The following STK4 variants were observed in gnomAD, a reference collection of about 807,000 sequenced individuals.
STK4 encodes the protein serine/threonine-protein kinase 4.
A neutral mutation model predicts 64.9 loss-of-function variants in STK4; 30 were observed. That is an observed-to-expected ratio of 0.46 (90% confidence interval 0.35 to 0.63). STK4 has a LOEUF of 0.63. Ranked by LOEUF, STK4 falls within the 20% of genes least tolerant of loss-of-function variation. STK4 has a pLI of 0.01. For missense variants in STK4, 466 were observed against 598.5 expected, an observed-to-expected ratio of 0.78 and a Z score of 2.31; for synonymous variants, 177 against 199.0, an observed-to-expected ratio of 0.89 and a Z score of 0.93.
intron 9 of STK4, among the ~76,000 whole-genome samples, chr20:45,015,439 G>A (rs2068123851): frequency 6.6e-6 from 1 of 152,166 alleles, no homozygotes; most frequent in African/African-American, 2.4e-5. Context: ...TTTTACCACG[G>A]TAGCCTTACT....
At chr20:45,027,164 C>T (rs754906396) in intron 10 of STK4, among the ~76,000 whole-genome samples, 11 of 152,170 alleles carry the variant, frequency 7.2e-5, no homozygotes, top group Non-Finnish European at 1.2e-4. Flanking sequence ...CGCAGTGGCT[C>T]ACGCCTGTAA....
At chr20:44,978,063 A>G (rs2067370148) in intron 2 of STK4, among the ~76,000 whole-genome samples, 1 of 152,234 alleles carries the variant, frequency 6.6e-6, no homozygotes, top group Non-Finnish European at 1.5e-5. Context: ...TGGGCAAATC[A>G]TAAACCCCTT....
intron 10 of STK4, among the ~76,000 whole-genome samples, chr20:45,061,283 G>A (rs1390278410): frequency 1.3e-5 from 2 of 152,148 alleles, no homozygotes; most frequent in African/African-American, 4.8e-5. Context: ...TTTTAATTAC[G>A]GTAGCTCCCA....
chr20:45,052,825 GT>G (rs1275613134), intron 10 of STK4, among the ~76,000 whole-genome samples: 1 of 152,180 alleles, frequency 6.6e-6, no homozygotes, highest in Non-Finnish European at 1.5e-5. Context: ...TATGTTTGGT[GT>G]TTAGGTTTCT....
intron 4 of STK4, among the ~76,000 whole-genome samples, chr20:44,986,918 A>G: frequency 6.6e-6 from 1 of 152,138 alleles, no homozygotes; most frequent in East Asian, 1.9e-4. Context: ...TAGGTATTCT[A>G]GTTGGAGATA....
rs1238345014 is a variant in STK4, at chr20:45,025,062, A to C, written c.1237A>C (p.Lys413Gln). ...GGAAAACCAGATCAACAGCTTTGGC[A>C]AGAGTGTACCTGGTCCACTGAAAAA... ...EKENQINSFG[K>Q]SVPGPLKNSS... Residue 413 changes from lysine (K) to glutamine (Q), a missense_variant, in exon 10 of 11, where the codon AAG (lysine) becomes CAG (glutamine). By Grantham distance (53) the Lys-to-Gln change is moderately conservative (BLOSUM62 1). Coordinates refer to ENST00000372806, the MANE Select transcript of STK4 (RefSeq NM_006282.5). 1.2e-6 allele frequency: 2 copies of C among 1,613,604 alleles called. No individual in the cohort carries two copies. The highest frequency in any genetic ancestry group is 2.2e-5 in the South Asian group (2 of 90,992).
intron 9 of STK4, among the ~76,000 whole-genome samples, chr20:45,020,137 A>G (rs1420926306): frequency 6.6e-6 from 1 of 152,196 alleles, no homozygotes; most frequent in African/African-American, 2.4e-5. Context: ...GAAATCTGCA[A>G]ATTTCTCACT....
At position 44,967,097 on chromosome 20, in the gene STK4, A is replaced by G. The variant is rs2067163059; in HGVS notation, c.35+494A>G. 4.1e-6 allele frequency: 4 copies of G among 971,090 alleles called. No individual in the cohort carries two copies. The South Asian group carries it at 1.9e-4, about 46-fold the overall frequency. 60.2% of individuals were successfully genotyped at this position (971,090 alleles called of 1,614,324 possible). Reference sequence around the variant, plus strand: ...GAAAAGCTTTGCGCCTAAGGCTGAAAGCATGCGAGGAAAGGTTGAGGGTCT... The same window carrying G: ...GAAAAGCTTTGCGCCTAAGGCTGAAGGCATGCGAGGAAAGGTTGAGGGTCT... On this transcript the variant is annotated intron_variant, in intron 1 of 10. Coordinates refer to ENST00000372806, the MANE Select transcript of STK4 (RefSeq NM_006282.5).
At chr20:44,998,975 G>C (rs527550167) in intron 7 of STK4, among the ~76,000 whole-genome samples, 3 of 152,000 alleles carry the variant, frequency 2.0e-5, no homozygotes, top group Non-Finnish European at 4.4e-5. Context: ...GGCTGAGGCA[G>C]GAGAAGCACT....
intron 1 of STK4, chr20:44,970,592 T>A (rs2067226404): frequency 6.6e-6 from 1 of 152,242 alleles, no homozygotes. Context: ...ACTTCATCCC[T>A]TTTCATTTTG....
At chr20:45,058,082 CACACA>C (rs1316326179) in intron 10 of STK4, among the ~76,000 whole-genome samples, 14 of 151,604 alleles carry the variant, frequency 9.2e-5, no homozygotes, top group Non-Finnish European at 1.8e-4. Flanking sequence ...CACACACACA[CACACA>C]CCCCTACCCC....
At chr20:45,059,855 G>A (rs949935743) in intron 10 of STK4, among the ~76,000 whole-genome samples, 2 of 151,886 alleles carry the variant, frequency 1.3e-5, no homozygotes, top group African/African-American at 2.4e-5. Context: ...TGGTATGCAT[G>A]GATCAATTTT....
chr20:45,028,294 T>C (rs560743470), intron 10 of STK4, among the ~76,000 whole-genome samples: 54 of 152,182 alleles, frequency 3.5e-4, no homozygotes, highest in African/African-American at 1.3e-3. Flanking sequence ...TTATTGATAA[T>C]AGCCATTCTA....
Position 45,075,072 on chromosome 20 carries a change from A to G in STK4, c.1360A>G (p.Met454Val). ...LQKRLLALDP[M>V]MEQEIEEIRQ... ...GAAGAGGCTCTTGGCCCTGGACCCC[A>G]TGATGGAGCAGGAGATTGAAGAGAT... Residue 454 changes from methionine (M) to valine (V), a missense_variant, in exon 11 of 11, where the codon ATG becomes GTG. By Grantham distance (21) the Met-to-Val change is conservative. Around this residue, in one of 2 missense-constraint regions of STK4, gnomAD observed 276 missense variants for 308.9 expected, o/e 0.89. Transcript: ENST00000372806. The G allele has an allele frequency of 6.2e-7, 1 of 1,614,198 alleles. No individual in the cohort carries two copies. The highest frequency in any genetic ancestry group is 8.5e-7 in the Non-Finnish European group (1 of 1,180,032).
chr20:45,039,761 T>C (rs2068582961), intron 10 of STK4, among the ~76,000 whole-genome samples: 1 of 152,076 alleles, frequency 6.6e-6, no homozygotes, highest in Non-Finnish European at 1.5e-5. Context: ...TTCTTAAGGA[T>C]TTTTAAAAAA....
chr20:45,024,860 CA>C, intron 9 of STK4, 112 bp from the exon 10 acceptor site: 1 of 1,098,912 alleles, frequency 9.1e-7, no homozygotes, highest in Non-Finnish European at 1.2e-6. Context: ...CTTTATCTAA[CA>C]GAAATATCCA....
intron 10 of STK4, among the ~76,000 whole-genome samples, chr20:45,040,304 A>G (rs1418997223): frequency 6.6e-6 from 1 of 152,060 alleles, no homozygotes; most frequent in African/African-American, 2.4e-5. Flanking sequence ...AAGACAGAAT[A>G]TGCACTTGAT....
chr20:45,043,444 C>A (rs1178934131), intron 10 of STK4, among the ~76,000 whole-genome samples: 2 of 152,190 alleles, frequency 1.3e-5, no homozygotes, highest in East Asian at 3.9e-4. Context: ...ATCCTGACTT[C>A]ACCATTTGCT....
intron 10 of STK4, among the ~76,000 whole-genome samples, chr20:45,068,895 G>A (rs1200830872): frequency 1.3e-5 from 2 of 152,144 alleles, no homozygotes. Context: ...CAGTAACACA[G>A]CATTTGTATC....
Sources: gnomAD v4.1 joint callset for allele counts (sites outside exome capture counted in the v4.1 genomes callset) on GRCh38, gnomAD v4.1.1 for gene constraint, gnomAD v4.1.1 regional missense constraint, MANE v1.5 for transcripts, NCBI Gene and HGNC (gene_info 2026-07-23, HGNC 2026-07-21) for gene names.